Variants in RBFOX1 observed in about 807,000 individuals in gnomAD.
RBFOX1 encodes RNA binding protein fox-1 homolog 1.
RBFOX1 carries 8 observed loss-of-function variants against 57.7 expected under a neutral mutation model. The observed-to-expected ratio is 0.14, with a 90% CI of 0.08 to 0.25. The LOEUF (loss-of-function observed/expected upper bound fraction) is 0.25. Among genes scored for constraint, RBFOX1 ranks in the 10% least tolerant of loss-of-function variants. The pLI is 1.00. For missense variants in RBFOX1, 611 were observed against 548.5 expected, an observed-to-expected ratio of 1.11 and a Z score of -1.14; for synonymous variants, 326 against 222.4, an observed-to-expected ratio of 1.47 and a Z score of -4.15.
chr16:6,075,966 A>G (rs1285866210), intron 1 of RBFOX1, among the ~76,000 whole-genome samples: 3 of 152,188 alleles, frequency 2.0e-5, no homozygotes, highest in African/African-American at 4.8e-5. Context: ...ACAGTAGATG[A>G]AACAGAGGCT....
At chr16:5,338,360 G>C (rs1376872134) in intron 1 of RBFOX1, among the ~76,000 whole-genome samples, 1 of 152,144 alleles carries the variant, frequency 6.6e-6, no homozygotes, top group Non-Finnish European at 1.5e-5. Flanking sequence ...GTTAATCTTT[G>C]CTGTTGCCTG....
chr16:6,360,340 A>G (rs927241170), intron 2 of RBFOX1, among the ~76,000 whole-genome samples: 2 of 152,156 alleles, frequency 1.3e-5, no homozygotes, highest in Admixed American at 6.5e-5. Context: ...GTTATTGGCT[A>G]TATATTTAAT....
intron 1 of RBFOX1, among the ~76,000 whole-genome samples, chr16:5,391,679 A>C (rs1288156068): frequency 2.0e-5 from 3 of 152,104 alleles, no homozygotes; most frequent in Non-Finnish European, 4.4e-5. Context: ...AGGTGTCCCT[A>C]GGATCACAGG....
intron 4 of RBFOX1, among the ~76,000 whole-genome samples, chr16:7,476,670 C>G (rs373639438): frequency 2.0e-5 from 3 of 152,240 alleles, no homozygotes; most frequent in African/African-American, 7.2e-5. Flanking sequence ...ATTCTATAAA[C>G]TGTACAAAAT....
intron 1 of RBFOX1, among the ~76,000 whole-genome samples, chr16:6,293,984 G>A (rs1361763651): frequency 6.6e-6 from 1 of 152,128 alleles, no homozygotes; most frequent in Non-Finnish European, 1.5e-5. Context: ...AAGATGTAAT[G>A]TTTGCCTTAT....
intron 3 of RBFOX1, among the ~76,000 whole-genome samples, chr16:6,931,945 G>A (rs948012054): frequency 1.3e-5 from 2 of 152,138 alleles, no homozygotes; most frequent in African/African-American, 4.8e-5. Flanking sequence ...CCAGGGGGCT[G>A]AAGTCATCCT....
intron 1 of RBFOX1, among the ~76,000 whole-genome samples, chr16:6,139,886 G>A (rs2096701332): frequency 6.6e-6 from 1 of 152,150 alleles, no homozygotes; most frequent in Non-Finnish European, 1.5e-5. Flanking sequence ...GGAAATAATT[G>A]AATAGAATTC....
rs145356704 is a variant in RBFOX1, at chr16:7,264,699, T to G, written c.27+212601T>G. 3.5e-3 allele frequency among the ~76,000 whole-genome samples: 529 copies of G among 152,336 alleles called. 5 individuals carry two copies. The Middle Eastern group carries it at 0.048, about 14-fold the overall frequency. On this transcript the variant is annotated intron_variant, in intron 4 of 15. Transcript: ENST00000550418. ...AATCTTATTTTTCTTTGGATTTTTC[T>G]CAACTTTTTTTTTTAAAAAAATGTA...
chr16:6,671,106 C>A (rs986162557), intron 3 of RBFOX1, among the ~76,000 whole-genome samples: 2 of 152,176 alleles, frequency 1.3e-5, no homozygotes, highest in East Asian at 1.9e-4. Flanking sequence ...ATAATTATTT[C>A]TTTTGACCCA....
chr16:6,771,511 C>T (rs868285563), intron 3 of RBFOX1, among the ~76,000 whole-genome samples: 1 of 152,026 alleles, frequency 6.6e-6, no homozygotes, highest in African/African-American at 2.4e-5. Context: ...CCTAGCAAAC[C>T]CTAGCAAGCT....
intron 3 of RBFOX1, among the ~76,000 whole-genome samples, chr16:6,961,829 G>A (rs74008484): frequency 0.022 from 3,290 of 152,244 alleles, 124 homozygotes; most frequent in African/African-American, 0.075. Context: ...AATGAGCAGT[G>A]AGAGCAAACC....
intron 4 of RBFOX1, among the ~76,000 whole-genome samples, chr16:5,995,364 C>T (rs745757208): frequency 1.6e-4 from 24 of 152,098 alleles, no homozygotes; most frequent in Admixed American, 6.6e-5. Context: ...TGTAGAAAGG[C>T]AAGCTCATTA....
At chr16:6,199,730 A>AAAACCAGT in intron 1 of RBFOX1, among the ~76,000 whole-genome samples, 2 of 152,318 alleles carry the variant, frequency 1.3e-5, no homozygotes, top group African/African-American at 4.8e-5. Context: ...TTTATCTGTG[A>AAAACCAGT]AAACCAGTAA....
chr16:7,197,187 T>G (rs1018177757), intron 4 of RBFOX1, among the ~76,000 whole-genome samples: 4 of 152,162 alleles, frequency 2.6e-5, no homozygotes, highest in African/African-American at 4.8e-5. Context: ...TGAAACTAAG[T>G]ACAGATGTGG....
chr16:6,341,878 T>A (rs1335667920), intron 2 of RBFOX1, among the ~76,000 whole-genome samples: 2 of 152,204 alleles, frequency 1.3e-5, no homozygotes, highest in Non-Finnish European at 2.9e-5. Context: ...CTGGTGACAC[T>A]TTTAACGATT....
At chr16:5,693,341 T>A (rs2050749756) in intron 3 of RBFOX1, among the ~76,000 whole-genome samples, 1 of 145,370 alleles carries the variant, frequency 6.9e-6, no homozygotes, top group Non-Finnish European at 1.5e-5. Context: ...ATAGTATGAC[T>A]ATTTTAAAAG....
intron 3 of RBFOX1, among the ~76,000 whole-genome samples, chr16:6,942,265 G>A (rs73543276): frequency 0.14 from 20,971 of 151,962 alleles, 1,548 homozygotes; most frequent in East Asian, 0.23. Context: ...GACTGACCGA[G>A]TGAGACTCCA....
intron 3 of RBFOX1, among the ~76,000 whole-genome samples, chr16:6,882,925 A>G (rs2063254081): frequency 1.3e-5 from 2 of 152,158 alleles, no homozygotes; most frequent in African/African-American, 4.8e-5. Flanking sequence ...GAATTGAATC[A>G]GGATGTCTTA....
At chr16:5,680,793 A>T (rs894344458) in intron 3 of RBFOX1, among the ~76,000 whole-genome samples, 11 of 152,132 alleles carry the variant, frequency 7.2e-5, no homozygotes, top group African/African-American at 2.7e-4. Flanking sequence ...ATCCTCAACA[A>T]ATACTTGCTG....
Sources: allele counts gnomAD v4.1 joint callset (sites outside exome capture counted in the v4.1 genomes callset), GRCh38; gene constraint gnomAD v4.1.1; transcripts MANE v1.5; gene names NCBI Gene and HGNC (gene_info 2026-07-23, HGNC 2026-07-21).